Variants in TRIM14 observed in about 807,000 individuals in gnomAD.
The protein encoded by TRIM14 is tripartite motif-containing protein 14.
TRIM14 carries 28 observed loss-of-function variants against 44.5 expected under a neutral mutation model. The ratio of observed to expected loss-of-function variants is 0.63; its 90% CI spans 0.47 to 0.86. The LOEUF is 0.86. Ranked by LOEUF, TRIM14 falls within the 40% of genes least tolerant of loss-of-function variation. TRIM14 has a pLI of 0.00. For missense variants in TRIM14, 607 were observed against 611.1 expected, an observed-to-expected ratio of 0.99 and a Z score of 0.07; for synonymous variants, 299 against 269.2, an observed-to-expected ratio of 1.11 and a Z score of -1.08.
At chr9:98,078,877 G>A (rs1301235321) in intron 6 of TRIM14, among the ~76,000 whole-genome samples, 1 of 149,642 alleles carries the variant, frequency 6.7e-6, no homozygotes, top group Non-Finnish European at 1.5e-5. Flanking sequence ...ACAGACATTT[G>A]GGATGATTTT....
chr9:98,074,326 A>C (rs377750553), intron 6 of TRIM14, among the ~76,000 whole-genome samples: 85 of 152,158 alleles, frequency 5.6e-4, no homozygotes, highest in African/African-American at 2.0e-3. Flanking sequence ...GGAGGGAGAG[A>C]GGAGTGCTGA....
At chr9:98,080,507 T>TTA (rs1829804103), downstream of TRIM14, among the ~76,000 whole-genome samples, 4 of 152,372 alleles carry the variant, frequency 2.6e-5, no homozygotes, top group African/African-American at 9.6e-5. Flanking sequence ...AGACATTCAT[T>TTA]TATAGTTCTG....
chr9:98,036,206 GA>G, the TRIM14 span, among the ~76,000 whole-genome samples: 1 of 148,400 alleles, frequency 6.7e-6, no homozygotes, highest in East Asian at 2.0e-4. Context: ...CAAAAAAACA[GA>G]AAAAAAGAAA....
the TRIM14 span, among the ~76,000 whole-genome samples, chr9:98,046,144 C>T: frequency 6.6e-6 from 1 of 151,898 alleles, no homozygotes; most frequent in East Asian, 1.9e-4. Flanking sequence ...AGTGCTTACA[C>T]AGGAAAAAAA....
At chr9:98,076,729 T>C (rs1829608172) in intron 6 of TRIM14, 2 of 567,920 alleles carry the variant, frequency 3.5e-6, no homozygotes, top group Non-Finnish European at 3.1e-6. Context: ...AATGGATGGG[T>C]GGATGCAAAT....
chr9:98,111,767 C>T (rs556440901), intron 1 of TRIM14, among the ~76,000 whole-genome samples: 49 of 152,094 alleles, frequency 3.2e-4, no homozygotes, highest in Middle Eastern at 6.8e-3. Flanking sequence ...GGAGAAACCC[C>T]GTCTCTACTA....
chr9:98,071,354 C>G (rs930223580), intron 6 of TRIM14, among the ~76,000 whole-genome samples: 4 of 152,176 alleles, frequency 2.6e-5, no homozygotes, highest in African/African-American at 9.7e-5. Flanking sequence ...TGAATGGACT[C>G]TAGGGTCAGA....
the TRIM14 span, among the ~76,000 whole-genome samples, chr9:98,038,530 G>A: frequency 6.6e-6 from 1 of 152,282 alleles, no homozygotes; most frequent in East Asian, 1.9e-4. Flanking sequence ...TTACTTTACT[G>A]AAAATTTTTA....
At chr9:98,058,288 C>T in the TRIM14 span, among the ~76,000 whole-genome samples, 14 of 152,244 alleles carry the variant, frequency 9.2e-5, no homozygotes, top group African/African-American at 3.1e-4. Context: ...ACAAAAATAA[C>T]ATTGCTAACA....
At chr9:98,047,738 C>T in the TRIM14 span, among the ~76,000 whole-genome samples, 11 of 152,060 alleles carry the variant, frequency 7.2e-5, no homozygotes, top group South Asian at 1.0e-3. Context: ...TTTGCATGTT[C>T]GGATCAGAGA....
chr9:98,088,913 TTTTTTG>T (rs1355212260), intron 5 of TRIM14, among the ~76,000 whole-genome samples: 7 of 91,344 alleles, frequency 7.7e-5, no homozygotes, highest in East Asian at 3.7e-4. Context: ...ACATGAAGTT[TTTTTTG>T]TTGTTGTTGT....
intron 1 of TRIM14, among the ~76,000 whole-genome samples, chr9:98,110,769 G>C (rs953951684): frequency 1.3e-5 from 2 of 151,900 alleles, no homozygotes; most frequent in Non-Finnish European, 2.9e-5. Flanking sequence ...ACTTTGGGAG[G>C]CTGAGGTAGG....
chr9:98,065,273 A>G (rs1346089943), downstream of TRIM14, among the ~76,000 whole-genome samples: 1 of 148,458 alleles, frequency 6.7e-6, no homozygotes, highest in Non-Finnish European at 1.5e-5. Context: ...TGGTGAAATA[A>G]TATTATTCTT....
Position 98,095,304 on chromosome 9 carries a change from G to A in TRIM14, c.538-275C>T, listed in dbSNP as rs1039854225. On this transcript the variant is annotated intron_variant, in intron 3 of 5. Transcript: ENST00000341469. The surrounding 1 kb of genome is among the most constrained non-coding windows in gnomAD (Gnocchi z 4.1). Reference sequence around the variant, plus strand: ...TCCTCCTTTCCTTCCTTCCTTACGTGTTCATTGAAACCTACTCTGTGCCAG... The same window carrying A: ...TCCTCCTTTCCTTCCTTCCTTACGTATTCATTGAAACCTACTCTGTGCCAG... Among the ~76,000 whole-genome samples, 1 of 152,164 alleles carries A rather than the reference G, an allele frequency of 6.6e-6. No individual in the cohort carries two copies. Among genetic ancestry groups the A allele is most frequent in the South Asian group, 2.1e-4 (1 of 4,828 alleles).
intron 2 of TRIM14, among the ~76,000 whole-genome samples, chr9:98,102,924 C>T (rs1475257973): frequency 6.6e-6 from 1 of 152,072 alleles, no homozygotes; most frequent in African/African-American, 2.4e-5. Context: ...CGGTGGCTCA[C>T]GCCTGCAATC....
downstream of TRIM14, among the ~76,000 whole-genome samples, chr9:98,067,398 C>T (rs1296561729): frequency 6.6e-6 from 1 of 152,186 alleles, no homozygotes; most frequent in Non-Finnish European, 1.5e-5. Flanking sequence ...TGCTTCACAT[C>T]CTCATCATTT....
chr9:98,059,654 A>G, the TRIM14 span, among the ~76,000 whole-genome samples: 6 of 151,808 alleles, frequency 4.0e-5, no homozygotes, highest in Admixed American at 2.0e-4. Flanking sequence ...GGTTCAAGCA[A>G]TCCTCCCACC....
At chr9:98,082,850 G>A (rs1009703902), downstream of TRIM14, 1 of 1,614,036 alleles carries the variant, frequency 6.2e-7, no homozygotes, top group Non-Finnish European at 8.5e-7. Flanking sequence ...CCACAGCTGG[G>A]CAAGTCTGTG....
the TRIM14 span, among the ~76,000 whole-genome samples, chr9:98,040,818 G>A: frequency 8.1e-4 from 123 of 152,126 alleles, no homozygotes; most frequent in Non-Finnish European, 1.4e-3. Flanking sequence ...CATCACGCCC[G>A]GCTAATTTTT....
Sources: gnomAD v4.1 joint callset for allele counts (sites outside exome capture counted in the v4.1 genomes callset) on GRCh38, gnomAD v4.1.1 for gene constraint, Gnocchi (gnomAD v3.1) non-coding constraint, MANE v1.5 for transcripts, NCBI Gene and HGNC (gene_info 2026-07-23, HGNC 2026-07-21) for gene names.